MTCL1: variants seen among roughly 807,000 people sequenced by gnomAD.
The protein encoded by MTCL1 is microtubule crosslinking factor 1.
MTCL1 carries 79 observed loss-of-function variants against 141.4 expected under a neutral mutation model. That is an observed-to-expected ratio of 0.56 (90% CI 0.47 to 0.67). MTCL1 has a LOEUF of 0.67. Ranked by LOEUF, MTCL1 falls within the 30% of genes least tolerant of loss-of-function variation. The pLI is 0.00. For missense variants in MTCL1, 2,177 were observed against 2,113.9 expected, an observed-to-expected ratio of 1.03 and a Z score of -0.59; for synonymous variants, 914 against 875.8, an observed-to-expected ratio of 1.04 and a Z score of -0.77.
chr18:8,762,648 CG>C (rs1320047810), intron 4 of MTCL1, among the ~76,000 whole-genome samples: 2 of 152,216 alleles, frequency 1.3e-5, no homozygotes, highest in East Asian at 3.9e-4. Context: ...GAGGACAGAG[CG>C]GCTGCCAGAA....
At chr18:8,831,201 C>T in intron 16 of MTCL1, 4 of 1,010,368 alleles carry the variant, frequency 4.0e-6, no homozygotes, top group Non-Finnish European at 4.7e-6. Context: ...GACCAGTTCA[C>T]TTGTCCACTG....
intron 9 of MTCL1, among the ~76,000 whole-genome samples, chr18:8,797,144 A>G (rs1243862827): frequency 6.6e-6 from 1 of 152,150 alleles, no homozygotes; most frequent in Non-Finnish European, 1.5e-5. Flanking sequence ...AAATTCATTG[A>G]CGTTATCACC....
exon 11 of MTCL1, chr18:8,807,006 C>T (rs772713144): frequency 5.0e-6 from 8 of 1,613,702 alleles, no homozygotes; most frequent in East Asian, 2.2e-5. Flanking sequence ...AATATGCCAG[C>T]GACAAGGCGG....
chr18:8,714,585 G>A (rs371637965), upstream of MTCL1, among the ~76,000 whole-genome samples: 3 of 152,260 alleles, frequency 2.0e-5, no homozygotes, highest in South Asian at 2.1e-4. Flanking sequence ...ACGTAAGAAC[G>A]TGTGCAGGGA....
chr18:8,756,433 A>C (rs1020290346), intron 4 of MTCL1, among the ~76,000 whole-genome samples: 1 of 138,090 alleles, frequency 7.2e-6, no homozygotes, highest in African/African-American at 3.3e-5. Flanking sequence ...ATGTGTATAT[A>C]TGTATATATG....
chr18:8,755,050 T>C (rs2096389976), intron 4 of MTCL1, among the ~76,000 whole-genome samples: 1 of 152,202 alleles, frequency 6.6e-6, no homozygotes, highest in Non-Finnish European at 1.5e-5. Context: ...TGAAAGTGGC[T>C]ATGTTAGCGA....
At chr18:8,792,976 C>G in intron 7 of MTCL1, 22 bp from the exon 7 acceptor site, 1 of 1,612,476 alleles carries the variant, frequency 6.2e-7, no homozygotes, top group Non-Finnish European at 8.5e-7. Context: ...CACTAAACCC[C>G]TTCCTTTATC....
chr18:8,759,856 C>T (rs895948188), intron 4 of MTCL1, among the ~76,000 whole-genome samples: 1 of 152,052 alleles, frequency 6.6e-6, no homozygotes, highest in Non-Finnish European at 1.5e-5. Context: ...GAGAGGTGCA[C>T]GTCCTGGCAG....
exon 6 of MTCL1, chr18:8,784,114 G>C (rs371603021): frequency 2.6e-5 from 42 of 1,613,368 alleles, no homozygotes; most frequent in Non-Finnish European, 3.5e-5. Context: ...GGGCCCCCCT[G>C]CAGGAGGAGC....
chr18:8,756,733 T>C (rs1225687697), intron 4 of MTCL1, among the ~76,000 whole-genome samples: 1 of 152,154 alleles, frequency 6.6e-6, no homozygotes, highest in South Asian at 2.1e-4. Flanking sequence ...ATCCAGCCAT[T>C]GTCAGTTCTG....
intron 11 of MTCL1, among the ~76,000 whole-genome samples, chr18:8,808,699 G>T (rs1360719386): frequency 6.6e-6 from 1 of 152,238 alleles, no homozygotes; most frequent in South Asian, 2.1e-4. Context: ...TTTCAGTGGA[G>T]CCCACGTTGA....
At chr18:8,721,368 G>T (rs1480184459) in intron 4 of MTCL1, among the ~76,000 whole-genome samples, 4 of 152,168 alleles carry the variant, frequency 2.6e-5, no homozygotes, top group African/African-American at 9.7e-5. Flanking sequence ...GGCCTGCATG[G>T]GCTCTGGGTA....
chr18:8,712,994 C>T (rs975503901), upstream of MTCL1, among the ~76,000 whole-genome samples: 2 of 152,182 alleles, frequency 1.3e-5, no homozygotes, highest in Non-Finnish European at 1.5e-5. Context: ...GTTTTCATCA[C>T]TTATACTAAG....
chr18:8,793,860 A>G (rs2075821717), intron 8 of MTCL1, among the ~76,000 whole-genome samples: 2 of 152,234 alleles, frequency 1.3e-5, no homozygotes, highest in South Asian at 2.1e-4. Flanking sequence ...TGCATATCCT[A>G]TCCAAATAAG....
chr18:8,718,659 G>T lies in MTCL1; in HGVS notation c.198+11G>T, dbSNP rs1398354932. 2 of 1,611,750 alleles carry T rather than the reference G, an allele frequency of 1.2e-6. No individual in the cohort carries two copies. The highest frequency in any genetic ancestry group is 1.7e-6 in the Non-Finnish European group (2 of 1,179,570). ...GAGCAGGACTTGAAGGTGAGTGAGG[G>T]GGTGGTGCGTGCACCTCGCAAGGCT... On this transcript the variant is annotated intron_variant, in intron 3 of 16. Coordinates refer to ENST00000359865, the Ensembl canonical transcript of MTCL1.
At chr18:8,789,348 A>G (rs1460967163) in intron 7 of MTCL1, 1 of 955,746 alleles carries the variant, frequency 1.0e-6, no homozygotes, top group Non-Finnish European at 1.2e-6. Context: ...CCTCCAGAAA[A>G]TGAAGCCATG....
intron 10 of MTCL1, among the ~76,000 whole-genome samples, chr18:8,805,035 A>G (rs528371238): frequency 3.5e-4 from 53 of 150,626 alleles, no homozygotes; most frequent in African/African-American, 1.2e-3. Context: ...GGGGACAACT[A>G]TGGAGATCTC....
intron 4 of MTCL1, among the ~76,000 whole-genome samples, chr18:8,764,689 T>C (rs1261958676): frequency 6.6e-6 from 1 of 152,126 alleles, no homozygotes; most frequent in Non-Finnish European, 1.5e-5. Flanking sequence ...TGGATTTGGA[T>C]GTGAGCATCC....
At chr18:8,797,542 G>C (rs758462104) in intron 9 of MTCL1, among the ~76,000 whole-genome samples, 1 of 152,246 alleles carries the variant, frequency 6.6e-6, no homozygotes, top group Non-Finnish European at 1.5e-5. Context: ...TTCTTGGCCA[G>C]CTGCTTCGAG....
Sources: gnomAD v4.1 joint callset for allele counts (sites outside exome capture counted in the v4.1 genomes callset) on GRCh38, gnomAD v4.1.1 for gene constraint, MANE v1.5 for transcripts, NCBI Gene and HGNC (gene_info 2026-07-23, HGNC 2026-07-21) for gene names.